NLRP7: variants seen among roughly 807,000 people sequenced by gnomAD.
The protein encoded by NLRP7 is NACHT, LRR and PYD domains-containing protein 7.
NLRP7 carries 72 observed loss-of-function variants against 85.5 expected under a neutral mutation model. The ratio of observed to expected loss-of-function variants is 0.84; its 90% CI spans 0.70 to 1.02. NLRP7 has a LOEUF of 1.02. Ranked by LOEUF, NLRP7 falls within the 50% of genes least tolerant of loss-of-function variation. NLRP7 has a pLI of 0.00. For missense variants in NLRP7, 1,243 were observed against 1,219.5 expected (o/e 1.02, Z -0.29); for synonymous variants, 550 against 505.2 (o/e 1.09, Z -1.19).
At chr19:54,963,472 G>A (rs981600632) in intron 1 of NLRP7, among the ~76,000 whole-genome samples, 1 of 151,442 alleles carries the variant, frequency 6.6e-6, no homozygotes, top group African/African-American at 2.4e-5. Flanking sequence ...GGCGGATCAC[G>A]AGGTCAAGAG....
intron 1 of NLRP7, among the ~76,000 whole-genome samples, chr19:54,962,177 AG>A (rs2070065668): frequency 1.4e-5 from 2 of 146,288 alleles, no homozygotes; most frequent in East Asian, 2.0e-4. Context: ...AAAAAAAAAA[AG>A]AAAAAATGAA....
At chr19:54,944,220 T>C (rs1383673368) in intron 1 of NLRP7, among the ~76,000 whole-genome samples, 1 of 151,898 alleles carries the variant, frequency 6.6e-6, no homozygotes, top group Non-Finnish European at 1.5e-5. Flanking sequence ...ATCTGTCTCC[T>C]GCTCGTCCCT....
exon 4 of NLRP7, chr19:54,940,449 T>C (rs1240615514): frequency 6.2e-7 from 1 of 1,614,026 alleles, no homozygotes; most frequent in East Asian, 2.2e-5. Flanking sequence ...ATTGAATTTC[T>C]CCATCCTTCC....
At chr19:54,957,417 C>T (rs553311421) in intron 1 of NLRP7, among the ~76,000 whole-genome samples, 1 of 149,314 alleles carries the variant, frequency 6.7e-6, no homozygotes, top group Non-Finnish European at 1.5e-5. Flanking sequence ...GCGATCTTAG[C>T]TCACTGCAGT....
intron 1 of NLRP7, among the ~76,000 whole-genome samples, chr19:54,962,007 T>C (rs2070058331): frequency 6.8e-6 from 1 of 147,112 alleles, no homozygotes. Context: ...CTACTAGAAC[T>C]ACAAAATTAG....
intron 9 of NLRP7, among the ~76,000 whole-genome samples, chr19:54,926,019 C>CA (rs1230703620): frequency 8.4e-5 from 12 of 142,316 alleles, no homozygotes; most frequent in East Asian, 2.1e-4. Flanking sequence ...AAGACAGATT[C>CA]AAAAAAAAAG....
intron 1 of NLRP7, among the ~76,000 whole-genome samples, chr19:54,944,236 A>G (rs564694747): frequency 6.6e-6 from 1 of 152,160 alleles, no homozygotes; most frequent in African/African-American, 2.4e-5. Context: ...TCCCTGGGCA[A>G]TGGAATGTCT....
At chr19:54,947,769 C>G, upstream of NLRP7, 4 of 694,254 alleles carry the variant, frequency 5.8e-6, no homozygotes, top group South Asian at 5.9e-5. Context: ...CTAGACCACC[C>G]GGGCCAGGTG....
chr19:54,964,316 A>C (rs1382390791), intron 1 of NLRP7, among the ~76,000 whole-genome samples: 1 of 134,062 alleles, frequency 7.5e-6, no homozygotes, highest in Non-Finnish European at 1.5e-5. Context: ...TCCCGGGTTC[A>C]CGCCATTCTC....
intron 6 of NLRP7, among the ~76,000 whole-genome samples, chr19:54,935,300 G>C (rs1194527310): frequency 3.3e-5 from 5 of 151,934 alleles, no homozygotes; most frequent in Admixed American, 6.6e-5. Context: ...CATGATCACA[G>C]GTCACCACAA....
chr19:54,932,806 C>G (rs906207241), intron 8 of NLRP7, among the ~76,000 whole-genome samples: 3 of 152,088 alleles, frequency 2.0e-5, no homozygotes, highest in Admixed American at 6.6e-5. Context: ...TAGGCACGCA[C>G]CACCAAGCCT....
chr19:54,941,904 G>A (rs144434249), intron 1 of NLRP7, among the ~76,000 whole-genome samples, 154 bp from the exon 2 acceptor site: 359 of 152,258 alleles, frequency 2.4e-3, no homozygotes, highest in African/African-American at 8.2e-3. Context: ...GGCCCAGCAC[G>A]GTGGCTCACG....
At chr19:54,927,806 T>C in intron 9 of NLRP7, 31 bp from the exon 10 acceptor site, 1 of 1,602,412 alleles carries the variant, frequency 6.2e-7, no homozygotes, top group Non-Finnish European at 8.5e-7. Context: ...AATCCACGCA[T>C]TCACTGAGCA....
Position 54,934,605 on chromosome 19 carries a change from G to A in NLRP7, c.2355C>T (p.Leu785=). The A allele has an allele frequency of 6.2e-7, 1 of 1,614,144 alleles. No homozygotes were observed. The highest frequency in any genetic ancestry group is 8.5e-7 in the Non-Finnish European group (1 of 1,180,002). ...GGTGCTTCAGGGACTGGTTGGCTTT[G>A]AGGACATAGAAGAATTCAGCCCACT... The change falls in exon 7 of 10, where the codon CTC becomes CTT. Residue 785 remains leucine (L), a synonymous_variant. Transcript: ENST00000340844. This position sits in a 1 kb window ranked among gnomAD's most constrained non-coding sequence, Gnocchi z 6.7.
chr19:54,949,266 T>A (rs1242055334), upstream of NLRP7, among the ~76,000 whole-genome samples: 1 of 144,210 alleles, frequency 6.9e-6, no homozygotes, highest in East Asian at 2.0e-4. Context: ...CGACAGAGAC[T>A]CCATCTTTAA....
At chr19:54,954,653 T>C (rs1055183667) in intron 1 of NLRP7, among the ~76,000 whole-genome samples, 1 of 151,546 alleles carries the variant, frequency 6.6e-6, no homozygotes, top group Non-Finnish European at 1.5e-5. Flanking sequence ...AAGATCAGCC[T>C]GGCCAACATG....
intron 1 of NLRP7, among the ~76,000 whole-genome samples, chr19:54,957,359 T>C (rs1217576249): frequency 6.7e-6 from 1 of 150,158 alleles, no homozygotes; most frequent in Non-Finnish European, 1.5e-5. Context: ...TTTTTTTTTT[T>C]TTTTGAGATG....
At chr19:54,939,321 C>T in exon 4 of NLRP7, 3 of 1,614,138 alleles carry the variant, frequency 1.9e-6, no homozygotes, top group African/African-American at 2.7e-5. Context: ...AGCTTCTGTA[C>T]GTCCCCGATG....
chr19:54,962,504 C>A (rs1462300046), intron 1 of NLRP7, among the ~76,000 whole-genome samples: 1 of 151,476 alleles, frequency 6.6e-6, no homozygotes, highest in Non-Finnish European at 1.5e-5. Flanking sequence ...CTCCTGACCT[C>A]AGGTGATCCA....
Sources: allele counts gnomAD v4.1 joint callset (sites outside exome capture counted in the v4.1 genomes callset), GRCh38; gene constraint gnomAD v4.1.1; non-coding constraint Gnocchi (gnomAD v3.1); transcripts MANE v1.5; gene names NCBI Gene and HGNC (gene_info 2026-07-23, HGNC 2026-07-21).